Variants in EFNA5 observed in about 807,000 individuals in gnomAD.
The protein encoded by EFNA5 is ephrin A5, also known as ephrin-A5.
In EFNA5, 5 loss-of-function variants were observed where a neutral mutation model predicts 22.9. The observed-to-expected ratio is 0.22, with a 90% CI of 0.11 to 0.46. The LOEUF is 0.46. EFNA5 is among the 20% of genes least tolerant of loss of function. EFNA5 has a pLI of 0.99. For missense variants in EFNA5, 237 were observed against 293.3 expected (o/e 0.81, Z 1.40); for synonymous variants, 113 against 112.2 (o/e 1.01, Z -0.04).
At chr5:107,627,652 A>C (rs1252862741) in intron 1 of EFNA5, among the ~76,000 whole-genome samples, 2 of 151,820 alleles carry the variant, frequency 1.3e-5, no homozygotes, top group African/African-American at 2.4e-5. Flanking sequence ...AAAAAAAAAA[A>C]AAAAGGAAAA....
chr5:107,436,253 A>C (rs763356884), intron 1 of EFNA5, among the ~76,000 whole-genome samples: 9 of 152,204 alleles, frequency 5.9e-5, no homozygotes, highest in Non-Finnish European at 1.2e-4. Context: ...AGCTTGATGG[A>C]GGAGTTTCAA....
chr5:107,489,461 G>A (rs906226950), intron 1 of EFNA5, among the ~76,000 whole-genome samples: 2 of 152,146 alleles, frequency 1.3e-5, no homozygotes, highest in Non-Finnish European at 2.9e-5. Flanking sequence ...ATGAACCACC[G>A]TGCCCGTCCT....
chr5:107,632,375 G>T lies in EFNA5; in HGVS notation c.125+38114C>A, dbSNP rs867997281. Among the ~76,000 whole-genome samples, 9 of 152,080 alleles carry T rather than the reference G, an allele frequency of 5.9e-5. 1 individual carries two copies. In the South Asian group the frequency reaches 1.2e-3, roughly 21 times the overall value. On this transcript the variant is annotated intron_variant, in intron 1 of 4. Transcript: ENST00000333274. ...AGAACACATAAAAAAATTATAACACGTTAGCAAAATTCCAACAAGGAATAG... is the reference window on the plus strand; with the variant it reads ...AGAACACATAAAAAAATTATAACACTTTAGCAAAATTCCAACAAGGAATAG...
At chr5:107,602,026 A>G (rs968622645) in intron 1 of EFNA5, among the ~76,000 whole-genome samples, 1 of 152,228 alleles carries the variant, frequency 6.6e-6, no homozygotes, top group Non-Finnish European at 1.5e-5. Flanking sequence ...AATACTAACA[A>G]TGAGCATTAC....
intron 2 of EFNA5, among the ~76,000 whole-genome samples, chr5:107,408,043 A>C (rs1748267758): frequency 6.6e-6 from 1 of 152,194 alleles, no homozygotes; most frequent in South Asian, 2.1e-4. Context: ...AAACTAATGA[A>C]GTAATGGAAC....
intron 1 of EFNA5, among the ~76,000 whole-genome samples, chr5:107,512,661 C>G (rs778026760): frequency 6.6e-6 from 1 of 151,990 alleles, no homozygotes; most frequent in Non-Finnish European, 1.5e-5. Flanking sequence ...AAAGCATATA[C>G]GAGAACTTAA....
rs27600 is a variant in EFNA5, at chr5:107,603,226, T to G, written c.125+67263A>C. Among the ~76,000 whole-genome samples the G allele has an allele frequency of 2.0e-5, 3 of 152,284 alleles. No homozygotes were observed. In the East Asian group the frequency reaches 5.8e-4, roughly 29 times the overall value. The stretch of plus-strand genomic sequence containing the variant: ...GATGAATTAGCTACTGTAAGGAAGG[T>G]TGTAGTTCAAGGTGCATCAAAGAGT... On this transcript the variant is annotated intron_variant, in intron 1 of 4. Coordinates refer to ENST00000333274, the MANE Select transcript of EFNA5 (RefSeq NM_001962.3).
At chr5:107,556,314 A>G (rs1748413772) in intron 1 of EFNA5, among the ~76,000 whole-genome samples, 1 of 152,222 alleles carries the variant, frequency 6.6e-6, no homozygotes, top group Non-Finnish European at 1.5e-5. Flanking sequence ...CTTAATCTGC[A>G]CAAGAGTCCT....
intron 1 of EFNA5, among the ~76,000 whole-genome samples, chr5:107,581,560 G>T (rs1165556159): frequency 6.6e-6 from 1 of 152,172 alleles, no homozygotes; most frequent in Non-Finnish European, 1.5e-5. Flanking sequence ...CTACACTAGT[G>T]ACCAAGTGCT....
intron 1 of EFNA5, among the ~76,000 whole-genome samples, chr5:107,447,112 T>G (rs1271235563): frequency 6.6e-6 from 1 of 152,122 alleles, no homozygotes; most frequent in Non-Finnish European, 1.5e-5. Flanking sequence ...GAGAGACTGG[T>G]GAACACAGTG....
chr5:107,499,915 T>C (rs763825600), intron 1 of EFNA5, among the ~76,000 whole-genome samples: 4 of 152,180 alleles, frequency 2.6e-5, no homozygotes, highest in Non-Finnish European at 5.9e-5. Flanking sequence ...AACTGGAATA[T>C]CTGAGAGGGG....
chr5:107,644,122 C>A (rs1424585143), intron 1 of EFNA5, among the ~76,000 whole-genome samples: 1 of 151,990 alleles, frequency 6.6e-6, no homozygotes, highest in East Asian at 1.9e-4. Flanking sequence ...AATAAAAATT[C>A]AGCAGTTTGC....
intron 1 of EFNA5, among the ~76,000 whole-genome samples, chr5:107,497,363 T>C (rs1747013524): frequency 1.3e-5 from 2 of 152,196 alleles, no homozygotes; most frequent in Admixed American, 1.3e-4. Context: ...CTCCTTTTGC[T>C]AACCACATCT....
At position 107,408,622 on chromosome 5, in the gene EFNA5, T is replaced by C. The variant is rs546555213; in HGVS notation, c.418+18595A>G. 6.6e-5 allele frequency among the ~76,000 whole-genome samples: 10 copies of C among 152,328 alleles called. No individual in the cohort carries two copies. In the South Asian group the frequency reaches 2.1e-3, roughly 32 times the overall value. Reference sequence around the variant, plus strand: ...TTTCAGTTGAAAACTTTCTCTAGAATAAAAAACAGAATTTTACTAATACTT... The same window carrying C: ...TTTCAGTTGAAAACTTTCTCTAGAACAAAAAACAGAATTTTACTAATACTT... On this transcript the variant is annotated intron_variant, in intron 2 of 4. Coordinates refer to ENST00000333274, the MANE Select transcript of EFNA5 (RefSeq NM_001962.3).
At chr5:107,554,837 T>C (rs991252800) in intron 1 of EFNA5, among the ~76,000 whole-genome samples, 1 of 152,218 alleles carries the variant, frequency 6.6e-6, no homozygotes, top group African/African-American at 2.4e-5. Flanking sequence ...TGCTACTAAA[T>C]GCCCGAGCCA....
At position 107,377,861 on chromosome 5, in the gene EFNA5, C is replaced by T. The variant is rs1452970680; in HGVS notation, c.*3394G>A. The T allele has an allele frequency of 1.3e-5, 2 of 152,166 alleles. No homozygotes were observed. Among genetic ancestry groups the T allele is most frequent in the African/African-American group, 4.8e-5 (2 of 41,438 alleles). The allele number at this position is 152,166 out of a possible 1,614,324, so 9.4% of individuals were successfully genotyped here. On this transcript the variant is annotated 3_prime_UTR_variant, in exon 5 of 5. Coordinates refer to ENST00000333274, the MANE Select transcript of EFNA5 (RefSeq NM_001962.3). ...TGCTGGTGGAGAAGGGAGGGTGGGC[C>T]ACAGGGCTCCAACATCAGACCTTGA...
At chr5:107,404,305 G>A (rs555309763) in intron 2 of EFNA5, among the ~76,000 whole-genome samples, 1 of 152,196 alleles carries the variant, frequency 6.6e-6, no homozygotes, top group African/African-American at 2.4e-5. Context: ...ATATATTTTT[G>A]TTTTAGGATT....
At chr5:107,621,278 T>C (rs1319755220) in intron 1 of EFNA5, among the ~76,000 whole-genome samples, 3 of 152,026 alleles carry the variant, frequency 2.0e-5, no homozygotes, top group South Asian at 4.2e-4. Context: ...AGGCCCAGGG[T>C]TGGGAAGCCG....
chr5:107,670,656 G>A lies in EFNA5; in HGVS notation c.-43C>T, dbSNP rs778726581. ...GGAGCCCCCGACGCGCCACTCCGGG[G>A]AGAGAGCGGGGATCCGGAGGGAGGG... On this transcript the variant is annotated 5_prime_UTR_variant, in exon 1 of 5. Transcript: ENST00000333274. 3 of 1,586,234 alleles carry A rather than the reference G, an allele frequency of 1.9e-6. No individual in the cohort carries two copies. Among genetic ancestry groups the A allele is most frequent in the East Asian group, 2.3e-5 (1 of 42,798 alleles).
Sources: gnomAD v4.1 joint callset for allele counts (sites outside exome capture counted in the v4.1 genomes callset) on GRCh38, gnomAD v4.1.1 for gene constraint, MANE v1.5 for transcripts, NCBI Gene and HGNC (gene_info 2026-07-23, HGNC 2026-07-21) for gene names.